CPNE8: variants seen among roughly 807,000 people sequenced by gnomAD.
CPNE8 encodes the protein copine-8.
A neutral mutation model predicts 81.5 loss-of-function variants in CPNE8; 45 were observed. That is an observed-to-expected ratio of 0.55 (90% CI 0.44 to 0.71). CPNE8 has a LOEUF of 0.71. CPNE8 is among the 30% of genes least tolerant of loss of function. CPNE8 has a pLI of 0.00. For missense variants in CPNE8, 594 were observed against 672.1 expected, an observed-to-expected ratio of 0.88 and a Z score of 1.28; for synonymous variants, 252 against 226.3, an observed-to-expected ratio of 1.11 and a Z score of -1.02.
At chr12:38,831,163 T>C (rs2137025171) in intron 5 of CPNE8, among the ~76,000 whole-genome samples, 2 of 152,052 alleles carry the variant, frequency 1.3e-5, no homozygotes, top group Middle Eastern at 6.8e-3. Context: ...ACATTCTAGA[T>C]TTACAGAACA....
chr12:38,760,442 T>TATAC (rs1461341731), intron 10 of CPNE8, among the ~76,000 whole-genome samples: 1 of 137,142 alleles, frequency 7.3e-6, no homozygotes, highest in Non-Finnish European at 1.5e-5. Context: ...TGTGTATATA[T>TATAC]ATATATATAT....
intron 10 of CPNE8, among the ~76,000 whole-genome samples, chr12:38,747,982 C>T (rs776834577): frequency 6.6e-6 from 1 of 151,812 alleles, no homozygotes; most frequent in Non-Finnish European, 1.5e-5. Context: ...GTAAGCATTC[C>T]TAGAAAGCAA....
chr12:38,734,579 AACC>A (rs1940910540), intron 10 of CPNE8, among the ~76,000 whole-genome samples: 1 of 151,982 alleles, frequency 6.6e-6, no homozygotes, highest in African/African-American at 2.4e-5. Flanking sequence ...ATACATACCT[AACC>A]CACCTCATCC....
chr12:38,763,719 T>C (rs1375057786), intron 8 of CPNE8, among the ~76,000 whole-genome samples: 1 of 152,202 alleles, frequency 6.6e-6, no homozygotes, highest in Non-Finnish European at 1.5e-5. Context: ...TGCAGCAGTT[T>C]CTGAGCTAGA....
At chr12:38,822,634 C>T (rs923219967) in intron 6 of CPNE8, among the ~76,000 whole-genome samples, 2 of 152,152 alleles carry the variant, frequency 1.3e-5, no homozygotes, top group Non-Finnish European at 2.9e-5. Context: ...GCACTTTGCT[C>T]AAATTACATA....
intron 6 of CPNE8, among the ~76,000 whole-genome samples, chr12:38,779,832 T>C (rs958756844): frequency 3.9e-5 from 6 of 152,070 alleles, no homozygotes; most frequent in Non-Finnish European, 7.4e-5. Flanking sequence ...GTTGTAAATA[T>C]TATGAATAGT....
At chr12:38,705,910 T>C (rs1940095953) in intron 13 of CPNE8, among the ~76,000 whole-genome samples, 1 of 152,060 alleles carries the variant, frequency 6.6e-6, no homozygotes, top group Admixed American at 6.6e-5. Context: ...ACATAATATA[T>C]ATATACATAT....
intron 3 of CPNE8, among the ~76,000 whole-genome samples, chr12:38,871,474 G>A (rs187972368): frequency 9.8e-4 from 149 of 152,280 alleles, no homozygotes; most frequent in Middle Eastern, 3.4e-3. Context: ...ACTCTGGAGA[G>A]AATGACAAGA....
At chr12:38,860,207 C>A (rs1358452298) in intron 3 of CPNE8, among the ~76,000 whole-genome samples, 2 of 151,270 alleles carry the variant, frequency 1.3e-5, no homozygotes, top group Non-Finnish European at 3.0e-5. Context: ...AGCAAAACAA[C>A]CAAATAACTG....
chr12:38,675,249 C>T (rs1939261992), intron 18 of CPNE8, among the ~76,000 whole-genome samples: 1 of 152,156 alleles, frequency 6.6e-6, no homozygotes, highest in Non-Finnish European at 1.5e-5. Context: ...TATCAACTAG[C>T]TAGAGCCCGA....
intron 14 of CPNE8, among the ~76,000 whole-genome samples, chr12:38,696,145 CA>C (rs1939790672): frequency 6.6e-6 from 1 of 152,116 alleles, no homozygotes; most frequent in African/African-American, 2.4e-5. Context: ...TGTACCCATA[CA>C]AAGATGTTAC....
At chr12:38,859,323 TAA>T (rs1160523564) in intron 3 of CPNE8, among the ~76,000 whole-genome samples, 1 of 152,082 alleles carries the variant, frequency 6.6e-6, no homozygotes, top group Non-Finnish European at 1.5e-5. Context: ...AAAAGAAACT[TAA>T]GAGATAATTT....
chr12:38,760,451 A>ATATATATATGTGTG (rs749406707), intron 10 of CPNE8, among the ~76,000 whole-genome samples: 5 of 120,172 alleles, frequency 4.2e-5, no homozygotes, highest in South Asian at 2.6e-4. Flanking sequence ...ATATATATAT[A>ATATATATATGTGTG]TGTGTGTGTA....
intron 15 of CPNE8, among the ~76,000 whole-genome samples, chr12:38,686,382 G>C (rs944535425): frequency 1.3e-5 from 2 of 152,082 alleles, no homozygotes; most frequent in Non-Finnish European, 2.9e-5. Flanking sequence ...CTTATTCTGG[G>C]GACAGGACCT....
chr12:38,742,457 CTCACAGGTTGGAACTGAACAA>C (rs1439085671), intron 10 of CPNE8, among the ~76,000 whole-genome samples: 1 of 148,748 alleles, frequency 6.7e-6, no homozygotes, highest in Non-Finnish European at 1.5e-5. Flanking sequence ...CATGTTCTCA[CTCACAGGTTGGAACTGAACAA>C]TGAGAACACT....
intron 4 of CPNE8, among the ~76,000 whole-genome samples, chr12:38,848,138 G>A (rs1565646768): frequency 6.6e-6 from 1 of 152,108 alleles, no homozygotes; most frequent in Non-Finnish European, 1.5e-5. Flanking sequence ...CCTGGTCCTT[G>A]GAAAAATACA....
chr12:38,839,760 A>C (rs1943439073), intron 5 of CPNE8, among the ~76,000 whole-genome samples, 156 bp downstream of exon 5: 1 of 152,038 alleles, frequency 6.6e-6, no homozygotes, highest in Non-Finnish European at 1.5e-5. Flanking sequence ...CTCCTCCAAA[A>C]TGTTTTTCTG....
intron 15 of CPNE8, among the ~76,000 whole-genome samples, chr12:38,686,667 T>C (rs990206373): frequency 2.6e-5 from 4 of 152,174 alleles, no homozygotes; most frequent in Admixed American, 6.5e-5. Flanking sequence ...TGAGGTTGCA[T>C]TGAAGATGCC....
chr12:38,797,508 C>T (rs1189981528), intron 6 of CPNE8, among the ~76,000 whole-genome samples: 2 of 152,104 alleles, frequency 1.3e-5, no homozygotes, highest in African/African-American at 4.8e-5. Context: ...AGAAGGAAAA[C>T]TAACAAACAG....
Sources: allele counts gnomAD v4.1 joint callset (sites outside exome capture counted in the v4.1 genomes callset), GRCh38; gene constraint gnomAD v4.1.1; transcripts MANE v1.5; gene names NCBI Gene and HGNC (gene_info 2026-07-23, HGNC 2026-07-21).